Variants in PCSK5 observed in about 807,000 individuals in gnomAD.
PCSK5 encodes prohormone convertase 5.
A neutral mutation model predicts 233.2 loss-of-function variants in PCSK5; 129 were observed. The observed-to-expected ratio is 0.55, with a 90% CI of 0.48 to 0.64. The LOEUF is 0.64. PCSK5 is among the 30% of genes least tolerant of loss of function. The pLI, the probability that PCSK5 is intolerant of heterozygous loss-of-function variation, is 0.00. For missense variants in PCSK5, 2,076 were observed against 2,430.1 expected, an observed-to-expected ratio of 0.85 and a Z score of 3.06; for synonymous variants, 825 against 879.2, an observed-to-expected ratio of 0.94 and a Z score of 1.09.
At chr9:76,167,339 A>G (rs938198006) in intron 12 of PCSK5, among the ~76,000 whole-genome samples, 1 of 152,208 alleles carries the variant, frequency 6.6e-6, no homozygotes, top group South Asian at 2.1e-4. Flanking sequence ...ACACATTTGC[A>G]TATTCTGAAG....
At chr9:75,997,872 C>T (rs183446140) in intron 3 of PCSK5, among the ~76,000 whole-genome samples, 2 of 152,282 alleles carry the variant, frequency 1.3e-5, no homozygotes, top group South Asian at 2.1e-4. Context: ...TAATCTTAAA[C>T]GACTATTTGG....
In PCSK5 at chr9:76,175,125, T is replaced by A; in HGVS notation, c.1896T>A (p.Tyr632Ter). ...CAGACGACTATGGCACAGAGGATTA[T>A]GCAGGTGAGCTGGCTTCCAGTGGGA... ...DPTDDYGTEDYAGPCDPECSE... is the reference protein window; with the variant it reads ...DPTDDYGTED The change falls in exon 14 of 38, where the codon TAT becomes TAA. Residue 632 changes from tyrosine to a stop codon, truncating the protein, a stop_gained. Coordinates refer to ENST00000674117, the MANE Select transcript of PCSK5 (RefSeq NM_001372043.1). LOFTEE classifies it high-confidence loss of function. 6.2e-7 allele frequency: 1 copy of A among 1,613,916 alleles called. No individual in the cohort carries two copies. Among genetic ancestry groups the A allele is most frequent in the Non-Finnish European group, 8.5e-7 (1 of 1,179,958 alleles).
At chr9:76,205,602 G>T (rs1192840897) in intron 20 of PCSK5, among the ~76,000 whole-genome samples, 1 of 152,248 alleles carries the variant, frequency 6.6e-6, no homozygotes, top group African/African-American at 2.4e-5. Flanking sequence ...GGAATGTAGG[G>T]ACCATGTCTA....
Position 76,302,305 on chromosome 9 carries a change from G to T in PCSK5, c.3604+88G>T, listed in dbSNP as rs571491203. ...GTGGAGAAATCACCCCAAGAAGCTG[G>T]GAGGCCAGAAGCAAATGGGGTGCAG... On this transcript the variant is annotated intron_variant, in intron 28 of 37. Transcript: ENST00000674117. 1.0e-5 allele frequency: 6 copies of T among 584,546 alleles called. No individual in the cohort carries two copies. In the East Asian group the frequency reaches 3.6e-4, roughly 35 times the overall value. 36.2% of individuals were successfully genotyped at this position (584,546 alleles called of 1,614,324 possible).
intron 7 of PCSK5, among the ~76,000 whole-genome samples, chr9:76,083,204 C>CAAA (rs11324176): frequency 3.4e-3 from 259 of 75,082 alleles, no homozygotes; most frequent in Non-Finnish European, 4.0e-3. Context: ...AGCGAGATCT[C>CAAA]AAAAAAAAAA....
In PCSK5 at chr9:75,997,506, T is replaced by C. The variant is rs572276950; in HGVS notation, c.411+11261T>C. ...GGCTGCCTCAGCCTAAGGTTGAGAT[T>C]GTAGACTGGTGGTGGATAGTCCAAA... On this transcript the variant is annotated intron_variant, in intron 3 of 37. Transcript: ENST00000674117. Among the ~76,000 whole-genome samples, 75 of 152,324 alleles carry C rather than the reference T, an allele frequency of 4.9e-4. 1 individual carries two copies. Among genetic ancestry groups the C allele is most frequent in the Non-Finnish European group, 9.6e-4 (65 of 68,026 alleles).
chr9:75,931,638 A>G (rs1587379322), intron 1 of PCSK5, among the ~76,000 whole-genome samples: 2 of 152,186 alleles, frequency 1.3e-5, no homozygotes, highest in East Asian at 3.9e-4. Context: ...TGCTTTCCCA[A>G]AGTGGACAGG....
chr9:76,096,190 T>TACACACACACACAC (rs3074177), intron 8 of PCSK5, 88 bp downstream of exon 8: 2 of 591,574 alleles, frequency 3.4e-6, no homozygotes, highest in South Asian at 2.1e-5. Flanking sequence ...TATATATATA[T>TACACACACACACAC]ACACACACAC....
chr9:76,205,667 G>A (rs148361074), intron 20 of PCSK5, among the ~76,000 whole-genome samples: 75 of 152,318 alleles, frequency 4.9e-4, no homozygotes, highest in Non-Finnish European at 5.7e-4. Flanking sequence ...TTAATCAAAT[G>A]GTTGTCAACG....
chr9:76,115,509 A>C (rs1832388487), intron 9 of PCSK5, among the ~76,000 whole-genome samples: 1 of 152,170 alleles, frequency 6.6e-6, no homozygotes, highest in South Asian at 2.1e-4. Flanking sequence ...TGAGTTTACA[A>C]GAAATATGTG....
At chr9:76,078,203 A>T (rs1435159260) in intron 7 of PCSK5, among the ~76,000 whole-genome samples, 2 of 152,182 alleles carry the variant, frequency 1.3e-5, no homozygotes, top group Non-Finnish European at 2.9e-5. Flanking sequence ...TTGGATGTGT[A>T]GTTTGTGAAT....
intron 24 of PCSK5, among the ~76,000 whole-genome samples, chr9:76,260,498 C>T (rs927850479): frequency 1.3e-5 from 2 of 152,180 alleles, no homozygotes; most frequent in African/African-American, 4.8e-5. Flanking sequence ...CACTGATAGC[C>T]GTGAAGCTGG....
intron 8 of PCSK5, among the ~76,000 whole-genome samples, chr9:76,096,421 C>T (rs1831515995): frequency 6.6e-6 from 1 of 152,162 alleles, no homozygotes; most frequent in Non-Finnish European, 1.5e-5. Flanking sequence ...GAATCTACGC[C>T]TGACTCAGTC....
Position 76,225,493 on chromosome 9 carries a change from CT to C in PCSK5, c.2627-2009del, listed in dbSNP as rs201353244. Among the ~76,000 whole-genome samples the C allele has an allele frequency of 2.6e-3, 401 of 152,270 alleles. 10 individuals are homozygous for C. The East Asian group carries it at 0.069, about 26-fold the overall frequency. On this transcript the variant is annotated intron_variant, in intron 20 of 37. Transcript: ENST00000674117. ...AAAAACAAATCGTTTGCACTGGCCC[CT>C]GTAGGCAAGGTCTGCTTCTTCCCAC... is the stretch of plus-strand genomic sequence containing the variant.
chr9:76,014,986 G>T (rs1827888773), intron 3 of PCSK5, among the ~76,000 whole-genome samples: 1 of 152,152 alleles, frequency 6.6e-6, no homozygotes, highest in African/African-American at 2.4e-5. Flanking sequence ...GAGAGACAGA[G>T]ATTTATCATG....
At chr9:76,267,426 T>C (rs1827367933) in intron 24 of PCSK5, among the ~76,000 whole-genome samples, 1 of 152,204 alleles carries the variant, frequency 6.6e-6, no homozygotes, top group African/African-American at 2.4e-5. Context: ...TATGTGTGAT[T>C]GTGTAAACTT....
chr9:75,963,657 G>C (rs1825450368), intron 2 of PCSK5, among the ~76,000 whole-genome samples: 1 of 152,210 alleles, frequency 6.6e-6, no homozygotes, highest in Non-Finnish European at 1.5e-5. Flanking sequence ...GAGGCGGGCG[G>C]ATCACGAGGT....
chr9:76,288,297 G>T (rs994617633), intron 24 of PCSK5, among the ~76,000 whole-genome samples: 1 of 152,206 alleles, frequency 6.6e-6, no homozygotes, highest in African/African-American at 2.4e-5. Context: ...CCAAGGACTG[G>T]CCTGTAATAC....
intron 6 of PCSK5, among the ~76,000 whole-genome samples, chr9:76,069,089 A>T (rs2185229): frequency 6.6e-6 from 1 of 152,168 alleles, no homozygotes; most frequent in Non-Finnish European, 1.5e-5. Context: ...CCTTTTTCTC[A>T]CCCTGAATTC....
Sources: gnomAD v4.1 joint callset for allele counts (sites outside exome capture counted in the v4.1 genomes callset) on GRCh38, gnomAD v4.1.1 for gene constraint, MANE v1.5 for transcripts, NCBI Gene and HGNC (gene_info 2026-07-23, HGNC 2026-07-21) for gene names.